Variants in TP73 observed in about 807,000 individuals in gnomAD.
The protein encoded by TP73 is tumor protein p73, also known as p53-like transcription factor.
Under a neutral mutation model 62.5 loss-of-function variants are expected in TP73, and 25 were observed. That is an observed-to-expected ratio of 0.40 (90% confidence interval 0.29 to 0.56). The LOEUF (loss-of-function observed/expected upper bound fraction) is 0.56, where lower values mean the gene tolerates loss of function less well. TP73 is among the 20% of genes least tolerant of loss of function. The pLI, the probability that TP73 is intolerant of heterozygous loss-of-function variation, is 0.46. For synonymous variants in TP73, 423 were observed against 377.5 expected, an observed-to-expected ratio of 1.12 and a Z score of -1.40; for missense variants, 754 against 913.3, an observed-to-expected ratio of 0.83 and a Z score of 2.25.
At chr1:3,654,066 C>T (rs1025122800) in intron 1 of TP73, among the ~76,000 whole-genome samples, 3 of 152,116 alleles carry the variant, frequency 2.0e-5, no homozygotes, top group Admixed American at 6.6e-5. Flanking sequence ...CCCAGCTACT[C>T]GGGAGGCTGA....
chr1:3,674,210 C>T (rs1412784033), intron 1 of TP73, among the ~76,000 whole-genome samples: 1 of 152,210 alleles, frequency 6.6e-6, no homozygotes, highest in South Asian at 2.1e-4. Context: ...TTGGTCATGG[C>T]CTCAAAGCTT....
intron 3 of TP73, among the ~76,000 whole-genome samples, chr1:3,692,853 G>C (rs1440476764): frequency 6.6e-6 from 1 of 152,028 alleles, no homozygotes; most frequent in Non-Finnish European, 1.5e-5. Flanking sequence ...TGGGGAGGTG[G>C]AGCCCTGCTG....
chr1:3,707,440 G>T, intron 3 of TP73, 109 bp from the exon 4 acceptor site: 1 of 1,449,006 alleles, frequency 6.9e-7, no homozygotes, highest in South Asian at 1.3e-5. Context: ...TATTTGGGAT[G>T]ACTGGAGCCG....
chr1:3,665,039 C>T (rs74412712), intron 1 of TP73, among the ~76,000 whole-genome samples: 287 of 152,306 alleles, frequency 1.9e-3, no homozygotes, highest in African/African-American at 6.6e-3. Flanking sequence ...GATGCAAACT[C>T]CAAGCTAGTT....
At chr1:3,665,057 T>C (rs1645080558) in intron 1 of TP73, among the ~76,000 whole-genome samples, 1 of 152,228 alleles carries the variant, frequency 6.6e-6, no homozygotes, top group South Asian at 2.1e-4. Flanking sequence ...GTTAATGAGC[T>C]GTGATCGGCC....
At chr1:3,718,531 A>G (rs1640801739) in intron 4 of TP73, among the ~76,000 whole-genome samples, 1 of 152,022 alleles carries the variant, frequency 6.6e-6, no homozygotes, top group African/African-American at 2.4e-5. Flanking sequence ...GCAGAGGACT[A>G]TGGCCGGGGG....
intron 3 of TP73, among the ~76,000 whole-genome samples, chr1:3,686,817 G>A (rs1645669089): frequency 6.6e-6 from 1 of 152,176 alleles, no homozygotes; most frequent in Admixed American, 6.5e-5. Context: ...TCTGAGCTGG[G>A]CAACTTTTAA....
chr1:3,678,111 T>C (rs970939142), intron 1 of TP73, among the ~76,000 whole-genome samples: 1 of 152,256 alleles, frequency 6.6e-6, no homozygotes, highest in Non-Finnish European at 1.5e-5. Flanking sequence ...GAAATTGGTC[T>C]CCTTTCCCCA....
chr1:3,664,399 G>T (rs72846506), intron 1 of TP73, among the ~76,000 whole-genome samples: 272 of 152,330 alleles, frequency 1.8e-3, no homozygotes, highest in African/African-American at 6.2e-3. Context: ...GTTGGGGGTG[G>T]CACCTGGGGA....
Position 3,707,545 on chromosome 1 carries a change from C to A in TP73, c.187-4C>A. ...CCCCTCCCTCCTCCCCTTTCCCGCGCCAGGCCCAGTTCAATCTGCTGAGCA... is the reference window on the plus strand; with the variant it reads ...CCCCTCCCTCCTCCCCTTTCCCGCGACAGGCCCAGTTCAATCTGCTGAGCA... On this transcript the variant is annotated splice_polypyrimidine_tract_variant and splice_region_variant and intron_variant, in intron 3 of 13. Coordinates refer to ENST00000378295, the MANE Select transcript of TP73 (RefSeq NM_005427.4). 6.2e-7 allele frequency: 1 copy of A among 1,603,220 alleles called. No individual in the cohort carries two copies. The highest frequency in any genetic ancestry group is 8.5e-7 in the Non-Finnish European group (1 of 1,172,010).
chr1:3,692,694 G>A (rs1418974216), intron 3 of TP73, among the ~76,000 whole-genome samples: 2 of 152,144 alleles, frequency 1.3e-5, no homozygotes, highest in African/African-American at 4.8e-5. Flanking sequence ...CAGTGTCGCT[G>A]CCTGGCCAGC....
Position 3,733,445 on chromosome 1 carries a change from A to C in TP73, c.*366A>C. ...TCATCCTAGAGACTGTCATCTCCCA[A>C]CCAGGCGAGGTCCTTCCAAAGGAAA... On this transcript the variant is annotated 3_prime_UTR_variant, in exon 14 of 14. Transcript: ENST00000378295. 3.2e-6 allele frequency: 1 copy of C among 311,358 alleles called. No homozygotes were observed. Among genetic ancestry groups the C allele is most frequent in the Non-Finnish European group, 6.0e-6 (1 of 165,558 alleles). 19.3% of individuals were successfully genotyped at this position (311,358 alleles called of 1,614,324 possible).
chr1:3,702,086 A>C (rs535630307), intron 3 of TP73, among the ~76,000 whole-genome samples: 49 of 152,208 alleles, frequency 3.2e-4, no homozygotes. Flanking sequence ...CTTCCTGCCC[A>C]CCTTGTGGGA....
intron 1 of TP73, chr1:3,659,295 G>A (rs1644938901): frequency 6.6e-6 from 1 of 152,172 alleles, no homozygotes. Context: ...TTTGGTCTCT[G>A]GCGATGTCTG....
At position 3,732,903 on chromosome 1, in the gene TP73, C is replaced by T; in HGVS notation, c.1735C>T (p.Arg579Cys). 3 of 1,611,118 alleles carry T rather than the reference C, an allele frequency of 1.9e-6. No individual in the cohort carries two copies. Among genetic ancestry groups the T allele is most frequent in the East Asian group, 2.2e-5 (1 of 44,856 alleles). Residue 579 changes from arginine to cysteine, a missense_variant, in exon 14 of 14, where the codon CGC becomes TGC. Coordinates refer to ENST00000378295, the MANE Select transcript of TP73 (RefSeq NM_005427.4). Reference protein sequence around the residue: ...ISIGGSGELQRQRVMEAVHFR... With the variant: ...ISIGGSGELQCQRVMEAVHFR... ...CATCGGCGGCTCAGGGGAACTGCAGCGCCAGCGGGTCATGGAGGCCGTGCA... is the reference window on the plus strand; with the variant it reads ...CATCGGCGGCTCAGGGGAACTGCAGTGCCAGCGGGTCATGGAGGCCGTGCA...
intron 1 of TP73, among the ~76,000 whole-genome samples, chr1:3,674,982 T>C (rs1232540767): frequency 6.6e-6 from 1 of 152,000 alleles, no homozygotes; most frequent in Non-Finnish European, 1.5e-5. Flanking sequence ...CACAAGGGGA[T>C]TGAGACGGTC....
Position 3,699,265 on chromosome 1 carries a change from C to T in TP73, c.187-8284C>T, listed in dbSNP as rs971634789. Among the ~76,000 whole-genome samples the T allele has an allele frequency of 2.0e-5, 3 of 152,162 alleles. No individual in the cohort carries two copies. The highest frequency in any genetic ancestry group is 2.9e-5 in the Non-Finnish European group (2 of 68,008). On this transcript the variant is annotated intron_variant, in intron 3 of 13. Coordinates refer to ENST00000378295, the MANE Select transcript of TP73 (RefSeq NM_005427.4). The surrounding 1 kb of genome is among the most constrained non-coding windows in gnomAD (Gnocchi z 4.1). ...CCTGGTGGGATGGGCTCTCTTCCTC[C>T]GAAGCCCAGGCTGCTTGTCAGTCAC...
chr1:3,681,854 G>A (rs575241657), intron 1 of TP73, among the ~76,000 whole-genome samples: 3 of 151,630 alleles, frequency 2.0e-5, no homozygotes, highest in Non-Finnish European at 2.9e-5. Context: ...ACAGGGGATC[G>A]TAACAGACCA....
intron 4 of TP73, among the ~76,000 whole-genome samples, chr1:3,711,216 C>T (rs1320098921): frequency 6.6e-6 from 1 of 152,206 alleles, no homozygotes; most frequent in East Asian, 1.9e-4. Context: ...ACCTGGGGAG[C>T]GCTCCACACA....
Sources: gnomAD v4.1 joint callset for allele counts (sites outside exome capture counted in the v4.1 genomes callset) on GRCh38, gnomAD v4.1.1 for gene constraint, Gnocchi (gnomAD v3.1) non-coding constraint, MANE v1.5 for transcripts, NCBI Gene and HGNC (gene_info 2026-07-23, HGNC 2026-07-21) for gene names.